ASB17: variants seen among roughly 807,000 people sequenced by gnomAD.
The protein encoded by ASB17 is ankyrin repeat and SOCS box containing 17.
Under a neutral mutation model 25.7 loss-of-function variants are expected in ASB17, and 26 were observed. The observed-to-expected ratio is 1.01, with a 90% CI of 0.74 to 1.40. The LOEUF (loss-of-function observed/expected upper bound fraction) is 1.40. ASB17 is among the 40% of genes most tolerant of loss of function. The probability of loss-of-function intolerance (pLI) is 0.00; values close to 1 mark genes in which losing one functional copy is unlikely to be tolerated. For synonymous variants in ASB17, 128 were observed against 121.4 expected, an observed-to-expected ratio of 1.05 and a Z score of -0.36; for missense variants, 326 against 338.5, an observed-to-expected ratio of 0.96 and a Z score of 0.29.
At chr1:75,922,575 C>T (rs746872114) in intron 1 of ASB17, among the ~76,000 whole-genome samples, 84 of 135,784 alleles carry the variant, frequency 6.2e-4, no homozygotes, top group Non-Finnish European at 9.5e-4. Context: ...CTGCTCACTG[C>T]GACCTCTGCC....
intron 1 of ASB17, among the ~76,000 whole-genome samples, chr1:75,924,275 A>G (rs987293085): frequency 2.7e-4 from 41 of 152,172 alleles, no homozygotes; most frequent in Non-Finnish European, 8.8e-5. Flanking sequence ...TGACAAAACT[A>G]AGAAAAAAGA....
chr1:75,932,260 G>A lies in ASB17; in HGVS notation c.32C>T (p.Thr11Ile), dbSNP rs1336422485. The change falls in exon 1 of 3, where the codon ACT becomes ATT. Residue 11 changes from threonine to isoleucine, a missense_variant. By Grantham distance (89) the Thr-to-Ile change is moderately conservative (BLOSUM62 -1). Transcript: ENST00000284142. MSKSTKLCGK[T>I]SCPRSNIFCN... ...GAATATATTGCTTCTTGGACAAGAA[G>A]TCTTACCACATAATTTAGTAGATTT... 2 of 1,611,812 alleles carry A rather than the reference G, an allele frequency of 1.2e-6. No individual in the cohort carries two copies. Among genetic ancestry groups the A allele is most frequent in the Non-Finnish European group, 1.7e-6 (2 of 1,179,006 alleles).
rs1430901906 is a variant in ASB17, at chr1:75,932,351, G to A, written c.-60C>T. ...GAGGTAAGCATACTGTAATCCTCCA[G>A]TTACATATTTTGACAATGTGGCAGG... is the stretch of plus-strand genomic sequence containing the variant. On this transcript the variant is annotated 5_prime_UTR_variant, in exon 1 of 3. Transcript: ENST00000284142. 2 of 1,450,222 alleles carry A rather than the reference G, an allele frequency of 1.4e-6. No individual in the cohort carries two copies. Among genetic ancestry groups the A allele is most frequent in the African/African-American group, 2.8e-5 (2 of 70,496 alleles). The allele number at this position is 1,450,222 out of a possible 1,614,324, so 89.8% of individuals were successfully genotyped here.
chr1:75,918,877 A>G lies in ASB17; in HGVS notation c.*75T>C, dbSNP rs1461258717. 2.5e-6 allele frequency: 3 copies of G among 1,204,374 alleles called. No individual in the cohort carries two copies. The allele number at this position is 1,204,374 out of a possible 1,614,324, so 74.6% of individuals were successfully genotyped here. A position where few individuals can be genotyped will look rare whatever the true frequency, so the allele number is the denominator to read the frequency against. On this transcript the variant is annotated 3_prime_UTR_variant, in exon 3 of 3. Coordinates refer to ENST00000284142, the MANE Select transcript of ASB17 (RefSeq NM_080868.3). Reference sequence around the variant, plus strand: ...AATGTTTAATGCAATAAAAACTTACATGAAGTGAATTTTTATTAACTTCTA... The same window carrying G: ...AATGTTTAATGCAATAAAAACTTACGTGAAGTGAATTTTTATTAACTTCTA...
intron 2 of ASB17, among the ~76,000 whole-genome samples, chr1:75,920,256 A>G (rs1245339192): frequency 6.6e-6 from 1 of 152,246 alleles, no homozygotes; most frequent in Non-Finnish European, 1.5e-5. Flanking sequence ...TAAAATATTT[A>G]ATCTTACGGA....
intron 1 of ASB17, 129 bp from the exon 2 acceptor site, chr1:75,922,488 C>CTTTTTTTTTTTTTTTTTTTTT (rs3037164): frequency 2.5e-5 from 3 of 118,088 alleles, no homozygotes; most frequent in African/African-American, 4.8e-5. Flanking sequence ...TTATATGTTT[C>CTTTTTTTTTTTTTTTTTTTTT]TTTTTTTTTT....
chr1:75,922,007 A>C, intron 2 of ASB17, 73 bp downstream of exon 2: 100 of 1,208,660 alleles, frequency 8.3e-5, no homozygotes, highest in Middle Eastern at 2.2e-4. Flanking sequence ...AATTAACTGT[A>C]TTCTTTCCTT....
chr1:75,919,097 G>A lies in ASB17; in HGVS notation c.743C>T (p.Thr248Ile), dbSNP rs755691500. Residue 248 changes from threonine to isoleucine, a missense_variant, in exon 3 of 3, where the codon ACA becomes ATA. Coordinates refer to ENST00000284142, the MANE Select transcript of ASB17 (RefSeq NM_080868.3). ...TAGTTCACATGGATCTTTGTATCTT[G>A]TTGAAGGAATGTAATCAAACCAATT... ...ISNWFDYIPS[T>I]RYKDPCELLH... 2 of 1,613,260 alleles carry A rather than the reference G, an allele frequency of 1.2e-6. No homozygotes were observed. Among genetic ancestry groups the A allele is most frequent in the African/African-American group, 1.3e-5 (1 of 75,026 alleles).
chr1:75,925,637 C>A (rs1571016524), intron 1 of ASB17, among the ~76,000 whole-genome samples: 1 of 152,198 alleles, frequency 6.6e-6, no homozygotes, highest in East Asian at 1.9e-4. Flanking sequence ...GCAAGCAAAG[C>A]AAGAATTAGT....
In ASB17 at chr1:75,931,904, C is replaced by T. The variant is rs1375447095; in HGVS notation, c.388G>A (p.Ala130Thr). The T allele has an allele frequency of 6.3e-7, 1 of 1,598,314 alleles. No individual in the cohort carries two copies. Among genetic ancestry groups the T allele is most frequent in the Non-Finnish European group, 8.5e-7 (1 of 1,172,676 alleles). The change falls in exon 1 of 3, where the codon GCA (alanine) becomes ACA (threonine). Residue 130 changes from alanine to threonine, a missense_variant. Physicochemically the swap from Ala to Thr is moderately conservative, Grantham distance 58 (BLOSUM62 0). Transcript: ENST00000284142. ...DYVQDRSCNL[A>T]LIWRTFTPVY... ...TGAAATTATTACCTCCATATCAGTG[C>T]CAGGTTACAACTTCTGTCTTGAACA...
chr1:75,926,152 T>C (rs1246384133), intron 1 of ASB17, among the ~76,000 whole-genome samples: 1 of 152,206 alleles, frequency 6.6e-6, no homozygotes, highest in Non-Finnish European at 1.5e-5. Flanking sequence ...GTGCTTGGGA[T>C]ATATCAGGAA....
chr1:75,923,874 A>G, intron 1 of ASB17, among the ~76,000 whole-genome samples: 1 of 152,130 alleles, frequency 6.6e-6, no homozygotes, highest in East Asian at 1.9e-4. Context: ...TCATTACCTA[A>G]TTTATTTAAT....
At chr1:75,928,381 T>C (rs1311578980) in intron 1 of ASB17, among the ~76,000 whole-genome samples, 3 of 152,244 alleles carry the variant, frequency 2.0e-5, no homozygotes, top group African/African-American at 7.2e-5. Context: ...CATCTCTCTT[T>C]AGCCACCTAC....
At chr1:75,924,750 C>T (rs996105500) in intron 1 of ASB17, among the ~76,000 whole-genome samples, 34 of 152,120 alleles carry the variant, frequency 2.2e-4, no homozygotes, top group Admixed American at 1.9e-3. Context: ...GTTTCCCAAA[C>T]CACCACTGCA....
intron 1 of ASB17, among the ~76,000 whole-genome samples, chr1:75,926,346 A>G (rs1172882210): frequency 2.0e-5 from 3 of 152,204 alleles, no homozygotes; most frequent in African/African-American, 7.2e-5. Context: ...GCATTTTTAA[A>G]TATTAAATAA....
At chr1:75,928,344 T>C (rs1377596391) in intron 1 of ASB17, among the ~76,000 whole-genome samples, 1 of 152,210 alleles carries the variant, frequency 6.6e-6, no homozygotes, top group Admixed American at 6.5e-5. Context: ...ATGCTTAATA[T>C]TTATTATTGT....
chr1:75,922,449 T>C lies in ASB17; in HGVS notation c.402-90A>G, dbSNP rs1653055880. ...CTTGCTAGTAATGGGAAAATAATAG[T>C]TTAAATGTTAAATGTCTTAAATGTA... On this transcript the variant is annotated intron_variant, in intron 1 of 2. Coordinates refer to ENST00000284142, the MANE Select transcript of ASB17 (RefSeq NM_080868.3). 9 of 880,248 alleles carry C rather than the reference T, an allele frequency of 1.0e-5. No homozygotes were observed. The South Asian group carries it at 2.1e-4, about 21-fold the overall frequency. 54.5% of individuals were successfully genotyped at this position (880,248 alleles called of 1,614,324 possible).
At chr1:75,920,465 G>T (rs780418676) in intron 2 of ASB17, among the ~76,000 whole-genome samples, 12 of 152,148 alleles carry the variant, frequency 7.9e-5, no homozygotes, top group South Asian at 2.1e-4. Context: ...ATTTGCTAGG[G>T]TAGGTAAAAT....
At position 75,919,131 on chromosome 1, in the gene ASB17, T is replaced by G; in HGVS notation, c.709A>C (p.Ile237Leu). Residue 237 changes from isoleucine to leucine, a missense_variant, in exon 3 of 3, where the codon ATT becomes CTT. Ile to Leu is a conservative substitution (Grantham distance 5). Transcript: ENST00000284142. ...ATGTAATCAAACCAATTTGAAATAATTGGATGTCTTCCTAAACTCAGCTGT... is the reference window on the plus strand; with the variant it reads ...ATGTAATCAAACCAATTTGAAATAAGTGGATGTCTTCCTAAACTCAGCTGT... ...KTQLSLGRHP[I>L]ISNWFDYIPS... The G allele has an allele frequency of 6.2e-7, 1 of 1,612,566 alleles. No homozygotes were observed. The highest frequency in any genetic ancestry group is 2.2e-5 in the East Asian group (1 of 44,720).
Sources: allele counts gnomAD v4.1 joint callset (sites outside exome capture counted in the v4.1 genomes callset), GRCh38; gene constraint gnomAD v4.1.1; transcripts MANE v1.5; gene names NCBI Gene and HGNC (gene_info 2026-07-23, HGNC 2026-07-21).